USP7: variants seen among roughly 807,000 people sequenced by gnomAD.
USP7 encodes ubiquitin specific peptidase 7, also known as ubiquitin C-terminal hydrolase 7.
A neutral mutation model predicts 162.9 loss-of-function variants in USP7; 9 were observed. The ratio of observed to expected loss-of-function variants is 0.06; its 90% CI spans 0.03 to 0.10. The LOEUF (loss-of-function observed/expected upper bound fraction) is 0.10. Among genes scored for constraint, USP7 ranks in the 10% least tolerant of loss-of-function variants. The probability of loss-of-function intolerance (pLI) is 1.00; values close to 1 mark genes in which losing one functional copy is unlikely to be tolerated. For synonymous variants in USP7, 562 were observed against 475.9 expected, an observed-to-expected ratio of 1.18 and a Z score of -2.35; for missense variants, 715 against 1,373.7, an observed-to-expected ratio of 0.52 and a Z score of 7.58.
In USP7 at chr16:8,963,215, TC is replaced by T; in HGVS notation, c.70del (p.Glu24ArgfsTer18). Reference sequence around the variant, plus strand: ...CGGCCCTCGGGCCTCACCTTCCATCTCCATGTCCTCGGGCTCGCTCAACTGC... The same window carrying T: ...CGGCCCTCGGGCCTCACCTTCCATCTCATGTCCTCGGGCTCGCTCAACTGC... ...EQQLSEPEDM[E>X]MEAGDTDDPP... On this transcript the variant is annotated frameshift_variant, in exon 1 of 31. Coordinates refer to ENST00000344836, the MANE Select transcript of USP7 (RefSeq NM_003470.3). LOFTEE classifies it high-confidence loss of function. 1 of 1,414,040 alleles carries T rather than the reference TC, an allele frequency of 7.1e-7. No individual in the cohort carries two copies. The highest frequency in any genetic ancestry group is 2.5e-5 in the Admixed American group (1 of 40,424). The allele number at this position is 1,414,040 out of a possible 1,614,324, so 87.6% of individuals were successfully genotyped here.
intron 11 of USP7, 106 bp downstream of exon 11, chr16:8,910,639 C>T: frequency 1.0e-6 from 1 of 972,764 alleles, no homozygotes; most frequent in Non-Finnish European, 1.6e-6. Flanking sequence ...TTCTAAATAC[C>T]AGAAACACAT....
intron 2 of USP7, among the ~76,000 whole-genome samples, chr16:8,924,442 CA>C (rs908237202): frequency 2.6e-5 from 4 of 152,258 alleles, no homozygotes; most frequent in African/African-American, 9.6e-5. Flanking sequence ...CCCAGGGCCA[CA>C]CCAAGGGCCA....
chr16:8,894,398 G>C lies in USP7; in HGVS notation c.3202+152C>G, dbSNP rs2061649830. 18 of 705,958 alleles carry C rather than the reference G, an allele frequency of 2.5e-5. 1 individual carries two copies. The South Asian group carries it at 3.3e-4, about 13-fold the overall frequency. The allele number at this position is 705,958 out of a possible 1,614,324, so 43.7% of individuals were successfully genotyped here. On this transcript the variant is annotated intron_variant, in intron 30 of 30. Coordinates refer to ENST00000344836, the MANE Select transcript of USP7 (RefSeq NM_003470.3). ...TGTAAGGACCTGTTAAGAACTCGTA[G>C]GTTATGGAATGCTATTGCTCCTGGT...
intron 2 of USP7, among the ~76,000 whole-genome samples, chr16:8,926,418 G>A (rs1897998011): frequency 6.6e-6 from 1 of 152,160 alleles, no homozygotes; most frequent in Non-Finnish European, 1.5e-5. Context: ...GGTGGAGGTT[G>A]CACTGAGCTG....
At position 8,898,511 on chromosome 16, in the gene USP7, A is replaced by C. The variant is rs543948751; in HGVS notation, c.2640+20T>G. 3.1e-6 allele frequency: 5 copies of C among 1,605,758 alleles called. No individual in the cohort carries two copies. The South Asian group carries it at 4.5e-5, about 14-fold the overall frequency. On this transcript the variant is annotated intron_variant, in intron 24 of 30. Coordinates refer to ENST00000344836, the MANE Select transcript of USP7 (RefSeq NM_003470.3). The stretch of plus-strand genomic sequence containing the variant: ...AGCCTTCTCTTTATGACCCATAGTT[A>C]CATTAATTTGGACTCATACCTGCTG...
intron 6 of USP7, 91 bp downstream of exon 6, chr16:8,918,940 G>A (rs1897526306): frequency 4.7e-6 from 6 of 1,272,064 alleles, no homozygotes; most frequent in African/African-American, 4.4e-5. Context: ...AGGGGAGGGA[G>A]ACGCCATGTT....
intron 1 of USP7, among the ~76,000 whole-genome samples, chr16:8,960,094 C>G (rs1899953472): frequency 1.3e-5 from 2 of 152,202 alleles, no homozygotes; most frequent in South Asian, 4.1e-4. Flanking sequence ...CCATGCAAGT[C>G]ACTCCTTCAG....
intron 1 of USP7, among the ~76,000 whole-genome samples, chr16:8,946,785 C>T (rs1899306148): frequency 6.6e-6 from 1 of 152,242 alleles, no homozygotes; most frequent in African/African-American, 2.4e-5. Flanking sequence ...CAGAAGGCTC[C>T]ACCTACAGAG....
At chr16:8,934,395 A>G (rs931843644) in intron 1 of USP7, among the ~76,000 whole-genome samples, 2 of 152,332 alleles carry the variant, frequency 1.3e-5, no homozygotes, top group Middle Eastern at 6.8e-3. Flanking sequence ...GAGAGACTGC[A>G]TTGTCTCCAA....
chr16:8,944,176 C>T (rs1205328720), intron 1 of USP7, among the ~76,000 whole-genome samples: 4 of 151,650 alleles, frequency 2.6e-5, no homozygotes, highest in African/African-American at 4.8e-5. Flanking sequence ...TGAATGTTTC[C>T]GGGAATATGC....
chr16:8,958,906 G>A (rs546317865), intron 1 of USP7, among the ~76,000 whole-genome samples: 28 of 152,340 alleles, frequency 1.8e-4, no homozygotes, highest in African/African-American at 4.3e-4. Flanking sequence ...GGCAGAGGCC[G>A]GATGGCTTCT....
chr16:8,904,710 AG>A, intron 14 of USP7, 145 bp from the exon 15 acceptor site: 1 of 1,232,508 alleles, frequency 8.1e-7, no homozygotes, highest in East Asian at 2.7e-5. Flanking sequence ...TGGGAGGCTG[AG>A]GCGGGCCGAT....
rs141461904 is a variant in USP7 at position 8,910,843 on chromosome 16, G to C, written c.1079-16C>G. On this transcript the variant is annotated splice_polypyrimidine_tract_variant and intron_variant, in intron 10 of 30. Transcript: ENST00000344836. ...GATTCAAATACTTTAAAGAGAGAGA[G>C]AGAAAAGTCAAGTGCTAAAGCTTCA... 7 of 1,607,672 alleles carry C rather than the reference G, an allele frequency of 4.4e-6. No homozygotes were observed. Among genetic ancestry groups the C allele is most frequent in the East Asian group, 2.2e-5 (1 of 44,844 alleles).
In USP7 at chr16:8,906,498, T is replaced by G. The variant is rs1461100093; in HGVS notation, c.1356A>C (p.Ala452=). ...PKDPANYILH[A]VLVHSGDNHG... Reference sequence around the variant, plus strand: ...GATTATCTCCACTATGAACCAGGACTGCATGAAGAATATAATTTGCAGGGT... The same window carrying G: ...GATTATCTCCACTATGAACCAGGACGGCATGAAGAATATAATTTGCAGGGT... Residue 452 remains alanine, a synonymous_variant, in exon 13 of 31, where the codon GCA becomes GCC. Coordinates refer to ENST00000344836, the MANE Select transcript of USP7 (RefSeq NM_003470.3). The G allele has an allele frequency of 1.2e-6, 2 of 1,613,140 alleles. No individual in the cohort carries two copies. Among genetic ancestry groups the G allele is most frequent in the Non-Finnish European group, 1.7e-6 (2 of 1,180,030 alleles).
At chr16:8,922,738 T>A (rs1482604841) in intron 3 of USP7, among the ~76,000 whole-genome samples, 2 of 152,242 alleles carry the variant, frequency 1.3e-5, no homozygotes, top group Admixed American at 1.3e-4. Flanking sequence ...CCATCAAGAT[T>A]TCTCAGTTTT....
intron 22 of USP7, 185 bp downstream of exon 22, chr16:8,899,419 T>C: frequency 1.2e-6 from 1 of 852,210 alleles, no homozygotes. Flanking sequence ...GTCTACAGGT[T>C]CTTTTCTGAT....
At chr16:8,955,454 G>A (rs959266997) in intron 1 of USP7, among the ~76,000 whole-genome samples, 5 of 152,212 alleles carry the variant, frequency 3.3e-5, no homozygotes, top group Non-Finnish European at 2.9e-5. Context: ...CAGGCGCAGT[G>A]GCTCACACCT....
At chr16:8,945,086 T>A (rs961590573) in intron 1 of USP7, among the ~76,000 whole-genome samples, 2 of 152,176 alleles carry the variant, frequency 1.3e-5, no homozygotes, top group Admixed American at 1.3e-4. Flanking sequence ...ACCCCATCTG[T>A]ACTAAATAAA....
At chr16:8,926,873 T>C (rs1358347961) in intron 2 of USP7, among the ~76,000 whole-genome samples, 2 of 151,946 alleles carry the variant, frequency 1.3e-5, no homozygotes, top group African/African-American at 4.9e-5. Flanking sequence ...TTGATAACTC[T>C]CACTACCTTC....
Sources: allele counts gnomAD v4.1 joint callset (sites outside exome capture counted in the v4.1 genomes callset), GRCh38; gene constraint gnomAD v4.1.1; transcripts MANE v1.5; gene names NCBI Gene and HGNC (gene_info 2026-07-23, HGNC 2026-07-21).